STYK1: variants seen among roughly 807,000 people sequenced by gnomAD.
STYK1 encodes STY kinase 1, also known as tyrosine-protein kinase STYK1.
Under a neutral mutation model 48.1 loss-of-function variants are expected in STYK1, and 46 were observed. The ratio of observed to expected loss-of-function variants is 0.96; its 90% CI spans 0.75 to 1.22. The LOEUF is 1.22. STYK1 is among the 50% of genes most tolerant of loss of function. The probability of loss-of-function intolerance (pLI) is 0.00; values close to 1 mark genes in which losing one functional copy is unlikely to be tolerated. For missense variants in STYK1, 527 were observed against 521.1 expected, an observed-to-expected ratio of 1.01 and a Z score of -0.11; for synonymous variants, 188 against 189.0, an observed-to-expected ratio of 0.99 and a Z score of 0.04.
At chr12:10,643,970 A>AG (rs1267019698) in intron 1 of STYK1, among the ~76,000 whole-genome samples, 1 of 16,054 alleles carries the variant, frequency 6.2e-5, no homozygotes, top group Non-Finnish European at 1.1e-3. Flanking sequence ...TTTGTATTTT[A>AG]GAAAAAAAAA....
intron 1 of STYK1, among the ~76,000 whole-genome samples, chr12:10,657,368 G>A (rs896039415): frequency 6.6e-6 from 1 of 152,156 alleles, no homozygotes; most frequent in Non-Finnish European, 1.5e-5. Context: ...TGTTGTATGT[G>A]TAACATTTAT....
At chr12:10,638,107 T>C (rs536344959) in intron 1 of STYK1, among the ~76,000 whole-genome samples, 20 of 152,346 alleles carry the variant, frequency 1.3e-4, no homozygotes, top group African/African-American at 4.3e-4. Flanking sequence ...AATAATGAAA[T>C]CCATGGCATT....
intron 1 of STYK1, among the ~76,000 whole-genome samples, chr12:10,655,207 C>T (rs1449672574): frequency 1.3e-5 from 2 of 152,232 alleles, no homozygotes; most frequent in Non-Finnish European, 2.9e-5. Context: ...GGATAGAACA[C>T]AGGCTTGGGA....
At chr12:10,633,865 A>C in intron 4 of STYK1, 125 bp downstream of exon 4, 1 of 1,174,488 alleles carries the variant, frequency 8.5e-7, no homozygotes, top group Non-Finnish European at 1.2e-6. Flanking sequence ...ATGGGAGGGA[A>C]CCCATGCCTC....
At chr12:10,648,393 T>C (rs1379476580) in intron 1 of STYK1, among the ~76,000 whole-genome samples, 2 of 151,654 alleles carry the variant, frequency 1.3e-5, no homozygotes, top group African/African-American at 2.4e-5. Flanking sequence ...AATAAAAACA[T>C]AGTACTTTTA....
chr12:10,656,875 T>C (rs1947725014), intron 1 of STYK1, among the ~76,000 whole-genome samples: 2 of 152,218 alleles, frequency 1.3e-5, no homozygotes, highest in African/African-American at 4.8e-5. Flanking sequence ...CTTTGTTTCA[T>C]TTTGTATTGT....
At position 10,631,093 on chromosome 12, in the gene STYK1, T is replaced by A. The variant is rs775638353; in HGVS notation, c.403A>T (p.Thr135Ser). The A allele has an allele frequency of 4.3e-6, 7 of 1,614,186 alleles. No individual in the cohort carries two copies. The highest frequency in any genetic ancestry group is 5.9e-6 in the Non-Finnish European group (7 of 1,180,030). Residue 135 changes from threonine to serine, a missense_variant, in exon 5 of 11, where the codon ACT becomes TCT. Coordinates refer to ENST00000075503, the MANE Select transcript of STYK1 (RefSeq NM_018423.3). ...CTCTTGGGCTTAGAAGGGTCCCCAGTGTTCATATTGGCTCGAAAGATGGGC... is the reference window on the plus strand; with the variant it reads ...CTCTTGGGCTTAGAAGGGTCCCCAGAGTTCATATTGGCTCGAAAGATGGGC... ...CGPIFRANMN[T>S]GDPSKPKSVI... is the part of the protein sequence containing the mutation.
At chr12:10,627,905 T>C (rs537143309) in intron 6 of STYK1, among the ~76,000 whole-genome samples, 181 bp from the exon 7 acceptor site, 1 of 152,132 alleles carries the variant, frequency 6.6e-6, no homozygotes, top group African/African-American at 2.4e-5. Context: ...AAATGATCCA[T>C]TGGACTGGAA....
At chr12:10,664,897 C>A (rs1167928285) in intron 1 of STYK1, among the ~76,000 whole-genome samples, 1 of 152,164 alleles carries the variant, frequency 6.6e-6, no homozygotes, top group African/African-American at 2.4e-5. Context: ...GAAATCATTT[C>A]ATAATAATTC....
At chr12:10,621,824 G>A in intron 10 of STYK1, 52 bp downstream of exon 10, 1 of 1,539,786 alleles carries the variant, frequency 6.5e-7, no homozygotes, top group Non-Finnish European at 9.0e-7. Flanking sequence ...ATTGATAGAG[G>A]GCTAAACAAC....
chr12:10,634,707 G>T, intron 2 of STYK1, 21 bp from the exon 3 acceptor site: 1 of 1,449,994 alleles, frequency 6.9e-7, no homozygotes, highest in South Asian at 1.2e-5. Context: ...AGTGGTTTTT[G>T]AAAAAAATAA....
At chr12:10,630,900 C>A in intron 5 of STYK1, 145 bp downstream of exon 5, 4 of 1,052,918 alleles carry the variant, frequency 3.8e-6, no homozygotes, top group South Asian at 1.9e-5. Flanking sequence ...CCAAGAAAAA[C>A]ATTTCTGCCT....
At chr12:10,626,761 C>T (rs1374683216) in intron 7 of STYK1, among the ~76,000 whole-genome samples, 3 of 152,176 alleles carry the variant, frequency 2.0e-5, no homozygotes, top group Non-Finnish European at 2.9e-5. Flanking sequence ...AATCCCAGCA[C>T]TTTGGGAGGC....
At position 10,642,622 on chromosome 12, in the gene STYK1, T is replaced by C. The variant is rs370740269; in HGVS notation, c.-194-5426A>G. ...AAAAAATCTTTTATCTAAATATTTA[T>C]AATATTTGTGCATGTAAGTATACTC... On this transcript the variant is annotated intron_variant, in intron 1 of 10. Coordinates refer to ENST00000075503, the MANE Select transcript of STYK1 (RefSeq NM_018423.3). 4.6e-5 allele frequency among the ~76,000 whole-genome samples: 7 copies of C among 152,164 alleles called. No homozygotes were observed. In the East Asian group the frequency reaches 1.2e-3, roughly 25 times the overall value.
intron 4 of STYK1, 54 bp from the exon 5 acceptor site, chr12:10,631,362 A>G: frequency 6.3e-7 from 1 of 1,589,442 alleles, no homozygotes; most frequent in Non-Finnish European, 8.6e-7. Context: ...GGATCCCGGA[A>G]AGCAGACCCT....
chr12:10,647,962 C>A (rs549542379), intron 1 of STYK1, among the ~76,000 whole-genome samples: 8 of 152,166 alleles, frequency 5.3e-5, no homozygotes, highest in Non-Finnish European at 1.2e-4. Flanking sequence ...AAACCTCTTT[C>A]TTTTGTAAAT....
chr12:10,666,049 C>T (rs1196859775), intron 1 of STYK1, among the ~76,000 whole-genome samples: 5 of 152,236 alleles, frequency 3.3e-5, no homozygotes, highest in Non-Finnish European at 5.9e-5. Context: ...AATTCTACCA[C>T]TAAACAAGTC....
At chr12:10,643,719 G>A (rs897336934) in intron 1 of STYK1, among the ~76,000 whole-genome samples, 24 of 152,318 alleles carry the variant, frequency 1.6e-4, no homozygotes, top group African/African-American at 4.8e-4. Flanking sequence ...ATAAAGGTGG[G>A]CACAGCCACA....
In STYK1 at chr12:10,667,900, T is replaced by C. The variant is rs558296948; in HGVS notation, c.-195+6066A>G. ...TCTAACTGCCCAATTCAGCAGAAGGTATAGGGAAGAAAAGCTAGTGAAGAA... is the reference window on the plus strand; with the variant it reads ...TCTAACTGCCCAATTCAGCAGAAGGCATAGGGAAGAAAAGCTAGTGAAGAA... On this transcript the variant is annotated intron_variant, in intron 1 of 10. Coordinates refer to ENST00000075503, the MANE Select transcript of STYK1 (RefSeq NM_018423.3). Among the ~76,000 whole-genome samples, 16 of 151,944 alleles carry C rather than the reference T, an allele frequency of 1.1e-4. 2 individuals are homozygous for C. The East Asian group carries it at 1.2e-3, about 11-fold the overall frequency.
Sources: gnomAD v4.1 joint callset for allele counts (sites outside exome capture counted in the v4.1 genomes callset) on GRCh38, gnomAD v4.1.1 for gene constraint, MANE v1.5 for transcripts, NCBI Gene and HGNC (gene_info 2026-07-23, HGNC 2026-07-21) for gene names.